DLGAP2: variants seen among roughly 807,000 people sequenced by gnomAD.
DLGAP2 encodes the protein DLG associated protein 2.
Under a neutral mutation model 100.3 loss-of-function variants are expected in DLGAP2, and 26 were observed. The ratio of observed to expected loss-of-function variants is 0.26; its 90% CI spans 0.19 to 0.36. The LOEUF is 0.36. Ranked by LOEUF, DLGAP2 falls within the 10% of genes least tolerant of loss-of-function variation. The pLI, the probability that DLGAP2 is intolerant of heterozygous loss-of-function variation, is 1.00. For synonymous variants in DLGAP2, 886 were observed against 630.1 expected (o/e 1.41, Z -6.08); for missense variants, 1,858 against 1,453.2 (o/e 1.28, Z -4.53).
rs78365263 is a variant in DLGAP2, at chr8:1,588,175, T to G, written c.1442+22281T>G. Among the ~76,000 whole-genome samples, 561 of 152,320 alleles carry G rather than the reference T, an allele frequency of 3.7e-3. 1 individual carries two copies. The highest frequency in any genetic ancestry group is 0.012 in the African/African-American group (509 of 41,574). Reference sequence around the variant, plus strand: ...GAATGTCTAACAGCAGCAGCACGGATAGTTCAGCTAAATACTTCTGTATTT... The same window carrying G: ...GAATGTCTAACAGCAGCAGCACGGAGAGTTCAGCTAAATACTTCTGTATTT... On this transcript the variant is annotated intron_variant, in intron 6 of 14. Transcript: ENST00000637795.
At chr8:1,668,734 C>T (rs1462790317) in intron 9 of DLGAP2, 56 bp downstream of exon 9, 1 of 1,431,834 alleles carries the variant, frequency 7.0e-7, no homozygotes, top group Non-Finnish European at 9.2e-7. Context: ...TGCCAATAGC[C>T]TAGAATAAGC....
intron 2 of DLGAP2, among the ~76,000 whole-genome samples, chr8:1,134,667 T>C (rs1264391573): frequency 1.3e-5 from 2 of 152,148 alleles, no homozygotes; most frequent in African/African-American, 2.4e-5. Context: ...AATGGGTAAT[T>C]TATAAAGGAA....
At chr8:1,208,821 G>A (rs2116779872) in intron 2 of DLGAP2, among the ~76,000 whole-genome samples, 1 of 151,858 alleles carries the variant, frequency 6.6e-6, no homozygotes, top group East Asian at 1.9e-4. Context: ...TGACGGAGCT[G>A]AGAATCAGAT....
intron 2 of DLGAP2, among the ~76,000 whole-genome samples, chr8:1,060,952 T>C (rs561528781): frequency 7.9e-4 from 120 of 152,338 alleles, no homozygotes; most frequent in African/African-American, 2.9e-3. Flanking sequence ...CAGCCTTCAA[T>C]GTGTTGATAT....
At chr8:958,980 A>T (rs1022917871) in intron 2 of DLGAP2, among the ~76,000 whole-genome samples, 6 of 152,222 alleles carry the variant, frequency 3.9e-5, no homozygotes, top group Non-Finnish European at 5.9e-5. Flanking sequence ...GATGCTGAAG[A>T]TTATGCAGCA....
chr8:1,306,885 A>T (rs1800504409), intron 3 of DLGAP2, among the ~76,000 whole-genome samples: 1 of 152,212 alleles, frequency 6.6e-6, no homozygotes, highest in Non-Finnish European at 1.5e-5. Flanking sequence ...TACCACATAT[A>T]AACAATACTC....
At chr8:1,061,146 A>T (rs963464002) in intron 2 of DLGAP2, among the ~76,000 whole-genome samples, 5 of 152,106 alleles carry the variant, frequency 3.3e-5, no homozygotes, top group African/African-American at 1.2e-4. Context: ...GATTTGGTAG[A>T]CCTGGCGCTG....
intron 1 of DLGAP2, among the ~76,000 whole-genome samples, chr8:856,543 G>A (rs532858346): frequency 1.3e-4 from 20 of 152,248 alleles, no homozygotes; most frequent in Admixed American, 3.3e-4. Flanking sequence ...AGAATACAGG[G>A]TTAATATGCA....
rs900812166 is a variant in DLGAP2 at position 916,603 on chromosome 8, A to G, written c.73+8637A>G. ...GCACACCAACATGGCACATGTATACATATGTAACAAACCTGCACGTTGTGC... is the reference window on the plus strand; with the variant it reads ...GCACACCAACATGGCACATGTATACGTATGTAACAAACCTGCACGTTGTGC... On this transcript the variant is annotated intron_variant, in intron 2 of 14. Coordinates refer to ENST00000637795, the MANE Select transcript of DLGAP2 (RefSeq NM_001346810.2). Among the ~76,000 whole-genome samples, 4 of 152,336 alleles carry G rather than the reference A, an allele frequency of 2.6e-5. No homozygotes were observed. In the South Asian group the frequency reaches 6.2e-4, roughly 24 times the overall value.
intron 6 of DLGAP2, among the ~76,000 whole-genome samples, chr8:1,591,411 C>G (rs916763405): frequency 1.3e-5 from 2 of 152,182 alleles, no homozygotes; most frequent in Non-Finnish European, 2.9e-5. Flanking sequence ...GTCACTGCTT[C>G]TCTAAGACTG....
chr8:1,606,719 G>A (rs558289845), intron 6 of DLGAP2, among the ~76,000 whole-genome samples: 1 of 152,250 alleles, frequency 6.6e-6, no homozygotes, highest in South Asian at 2.1e-4. Context: ...GTCTCACTCT[G>A]TTGCCCAGGC....
At chr8:1,599,946 G>C (rs181221691) in intron 6 of DLGAP2, among the ~76,000 whole-genome samples, 1 of 152,110 alleles carries the variant, frequency 6.6e-6, no homozygotes, top group Admixed American at 6.5e-5. Context: ...CCCATTAATT[G>C]ATGCAATTTC....
At position 946,543 on chromosome 8, in the gene DLGAP2, G is replaced by A. The variant is rs530893797; in HGVS notation, c.73+38577G>A. On this transcript the variant is annotated intron_variant, in intron 2 of 14. Coordinates refer to ENST00000637795, the MANE Select transcript of DLGAP2 (RefSeq NM_001346810.2). ...CTCCCAAAGTGCTGGGATTACAGGC[G>A]TGAGCCACCGCGCCCGGCCCGTTCC... Among the ~76,000 whole-genome samples, 15 of 152,288 alleles carry A rather than the reference G, an allele frequency of 9.8e-5. No individual in the cohort carries two copies. In the South Asian group the frequency reaches 1.0e-3, roughly 11 times the overall value.
chr8:1,098,724 G>A (rs867394817), intron 2 of DLGAP2, among the ~76,000 whole-genome samples: 322 of 99,910 alleles, frequency 3.2e-3, no homozygotes, highest in East Asian at 0.01. Flanking sequence ...CCGCCCACGG[G>A]CGCCGCCACC....
chr8:941,193 C>T (rs540723838), intron 2 of DLGAP2, among the ~76,000 whole-genome samples: 46 of 152,242 alleles, frequency 3.0e-4, no homozygotes, highest in African/African-American at 8.2e-4. Flanking sequence ...AACTGGTCAC[C>T]TGATCTCAGC....
chr8:1,012,010 G>A (rs1204852617), intron 2 of DLGAP2, among the ~76,000 whole-genome samples: 1 of 152,212 alleles, frequency 6.6e-6, no homozygotes, highest in Non-Finnish European at 1.5e-5. Context: ...AAGTCCAGGG[G>A]CATGGCTTTC....
intron 2 of DLGAP2, among the ~76,000 whole-genome samples, chr8:1,025,000 G>A (rs901260906): frequency 9.2e-5 from 14 of 152,068 alleles, no homozygotes; most frequent in African/African-American, 1.7e-4. Flanking sequence ...AAGAGTAGCC[G>A]TTCTCTCTCT....
chr8:1,213,962 T>G (rs1798160242), intron 2 of DLGAP2, among the ~76,000 whole-genome samples: 1 of 152,066 alleles, frequency 6.6e-6, no homozygotes, highest in Admixed American at 6.5e-5. Context: ...AATTTCCCCA[T>G]CTCCAGCCTT....
chr8:1,151,511 G>T (rs1328448810), intron 2 of DLGAP2, among the ~76,000 whole-genome samples: 1 of 152,164 alleles, frequency 6.6e-6, no homozygotes, highest in Non-Finnish European at 1.5e-5. Context: ...TCTTAGTAAG[G>T]CTTGTTTGCA....
Sources: allele counts gnomAD v4.1 joint callset (sites outside exome capture counted in the v4.1 genomes callset), GRCh38; gene constraint gnomAD v4.1.1; transcripts MANE v1.5; gene names NCBI Gene and HGNC (gene_info 2026-07-23, HGNC 2026-07-21).